Variants in SNX13 observed in about 807,000 individuals in gnomAD.
SNX13 encodes sorting nexin-13.
In SNX13, 45 loss-of-function variants were observed where a neutral mutation model predicts 133.6. That is an observed-to-expected ratio of 0.34 (90% confidence interval 0.27 to 0.43). The LOEUF is 0.43. Among genes scored for constraint, SNX13 ranks in the 20% least tolerant of loss-of-function variants. The pLI is 1.00. For synonymous variants in SNX13, 414 were observed against 373.9 expected, an observed-to-expected ratio of 1.11 and a Z score of -1.24; for missense variants, 1,032 against 1,145.1, an observed-to-expected ratio of 0.90 and a Z score of 1.43.
At chr7:17,923,505 T>C (rs1800367823) in intron 1 of SNX13, among the ~76,000 whole-genome samples, 1 of 152,126 alleles carries the variant, frequency 6.6e-6, no homozygotes, top group Admixed American at 6.6e-5. Context: ...AAGAATACCA[T>C]GATTTGAGCT....
chr7:17,915,893 C>T lies in SNX13; in HGVS notation c.13-18447G>A, dbSNP rs552741058. 2.0e-5 allele frequency among the ~76,000 whole-genome samples: 3 copies of T among 152,268 alleles called. No homozygotes were observed. The South Asian group carries it at 6.2e-4, about 32-fold the overall frequency. On this transcript the variant is annotated intron_variant, in intron 1 of 25. Coordinates refer to ENST00000428135, the MANE Select transcript of SNX13 (RefSeq NM_015132.5). Reference sequence around the variant, plus strand: ...ACACAGAACATACTCTAAGACTGTCCACATTGCTCTGTCACAAAGCAAGTT... The same window carrying T: ...ACACAGAACATACTCTAAGACTGTCTACATTGCTCTGTCACAAAGCAAGTT...
rs1198387907 is a variant in SNX13 at position 17,792,286 on chromosome 7, C to G, written c.*1759G>C. The G allele has an allele frequency of 6.6e-6, 1 of 151,870 alleles. No homozygotes were observed. Among genetic ancestry groups the G allele is most frequent in the Non-Finnish European group, 1.5e-5 (1 of 67,878 alleles). 9.4% of individuals were successfully genotyped at this position (151,870 alleles called of 1,614,324 possible). The stretch of plus-strand genomic sequence containing the variant: ...AGGGAGGGGCCAAGGCAGGGAGACA[C>G]CCTGAGAAGAAGAAATACTATTTCT... On this transcript the variant is annotated 3_prime_UTR_variant, in exon 26 of 26. Coordinates refer to ENST00000428135, the MANE Select transcript of SNX13 (RefSeq NM_015132.5).
At chr7:17,830,560 T>C in intron 15 of SNX13, 6 of 983,598 alleles carry the variant, frequency 6.1e-6, no homozygotes, top group Non-Finnish European at 7.2e-6. Context: ...ACACTGGAAG[T>C]CCAGATTTTT....
At chr7:17,795,662 C>G (rs774684071) in intron 25 of SNX13, 2 of 151,624 alleles carry the variant, frequency 1.3e-5, no homozygotes, top group African/African-American at 2.4e-5. Flanking sequence ...AAAGTAAGCT[C>G]CAAGAAGGCA....
chr7:17,806,542 AAC>A (rs1426850484), intron 20 of SNX13, among the ~76,000 whole-genome samples: 5 of 152,234 alleles, frequency 3.3e-5, no homozygotes, highest in African/African-American at 1.2e-4. Flanking sequence ...TAAAGAGGTC[AAC>A]ATGACCTTGG....
intron 12 of SNX13, among the ~76,000 whole-genome samples, chr7:17,844,542 C>T (rs1331268855): frequency 5.3e-4 from 80 of 152,062 alleles, no homozygotes; most frequent in Admixed American, 5.2e-3. Context: ...CACTTCCTAA[C>T]TCATTCTATG....
intron 15 of SNX13, among the ~76,000 whole-genome samples, chr7:17,833,421 A>T (rs1194935982): frequency 6.6e-6 from 1 of 151,724 alleles, no homozygotes; most frequent in African/African-American, 2.4e-5. Context: ...GGCTTGAAGA[A>T]TTTAAGCAGT....
intron 15 of SNX13, chr7:17,832,635 C>T (rs1387601828): frequency 1.6e-5 from 4 of 247,728 alleles, no homozygotes; most frequent in Non-Finnish European, 2.6e-5. Flanking sequence ...AGAGTAAGTA[C>T]AGATATATAG....
Position 17,845,616 on chromosome 7 carries a change from C to T in SNX13, c.1144G>A (p.Val382Ile), listed in dbSNP as rs1163954994. Residue 382 changes from valine to isoleucine, a missense_variant, in exon 12 of 26, where the codon GTT becomes ATT. Physicochemically the swap from Val to Ile is conservative, Grantham distance 29. Coordinates refer to ENST00000428135, the MANE Select transcript of SNX13 (RefSeq NM_015132.5). Reference sequence around the variant, plus strand: ...CTACCCATAAAAAATTGTAGTGCAACATTGTCTACAAGAATGCTGTCCAGG... The same window carrying T: ...CTACCCATAAAAAATTGTAGTGCAATATTGTCTACAAGAATGCTGTCCAGG... ...VPLDSILVDN[V>I]ALQFFMDYMQ... 2 of 1,596,430 alleles carry T rather than the reference C, an allele frequency of 1.3e-6. No individual in the cohort carries two copies. Among genetic ancestry groups the T allele is most frequent in the Admixed American group, 1.8e-5 (1 of 56,984 alleles).
In SNX13 at chr7:17,891,627, T is replaced by G. The variant is rs201210069; in HGVS notation, c.237A>C (p.Glu79Asp). ...PTSPGVPKCLEEMKREARTIK... is the reference protein window; with the variant it reads ...PTSPGVPKCLDEMKREARTIK... ...TAGTCCTGGCTTCCCGTTTCATTTC[T>G]TCTAAGCACTTAAAGGAAATCAAAA... Residue 79 changes from glutamate (E) to aspartate (D), a missense_variant, in exon 4 of 26, where the codon GAA (glutamate) becomes GAC (aspartate). By Grantham distance (45) the Glu-to-Asp change is conservative. Coordinates refer to ENST00000428135, the MANE Select transcript of SNX13 (RefSeq NM_015132.5). 117 of 1,610,826 alleles carry G rather than the reference T, an allele frequency of 7.3e-5. No individual in the cohort carries two copies. In the African/African-American group the frequency reaches 1.3e-3, roughly 19 times the overall value.
At chr7:17,891,178 C>T (rs1236977244) in intron 4 of SNX13, among the ~76,000 whole-genome samples, 3 of 151,826 alleles carry the variant, frequency 2.0e-5, no homozygotes, top group African/African-American at 4.8e-5. Flanking sequence ...GTTTTTGCAT[C>T]GGATATTTCT....
chr7:17,891,364 T>G (rs1796607759), intron 4 of SNX13, among the ~76,000 whole-genome samples, 182 bp downstream of exon 4: 1 of 152,058 alleles, frequency 6.6e-6, no homozygotes, highest in Non-Finnish European at 1.5e-5. Context: ...TTACATAAAG[T>G]AAACCACCTC....
Position 17,834,188 on chromosome 7 carries a change from G to C in SNX13, c.1465-4C>G, listed in dbSNP as rs10237285. On this transcript the variant is annotated splice_polypyrimidine_tract_variant and splice_region_variant and intron_variant, in intron 14 of 25. Coordinates refer to ENST00000428135, the MANE Select transcript of SNX13 (RefSeq NM_015132.5). ...CTCGTAGCATCAATTCATATACCTT[G>C]GTGAAATAAATCAAGATATTCAACA... 6 of 1,548,206 alleles carry C rather than the reference G, an allele frequency of 3.9e-6. No homozygotes were observed. Among genetic ancestry groups the C allele is most frequent in the Non-Finnish European group, 5.3e-6 (6 of 1,141,768 alleles).
chr7:17,834,670 A>G (rs1788931162), intron 14 of SNX13, 91 bp downstream of exon 14: 1 of 731,898 alleles, frequency 1.4e-6, no homozygotes, highest in Non-Finnish European at 2.1e-6. Flanking sequence ...ATACCACTCT[A>G]CTTTTAGAAA....
At chr7:17,889,954 G>A (rs1030838880) in intron 5 of SNX13, 1 of 153,692 alleles carries the variant, frequency 6.5e-6, no homozygotes, top group African/African-American at 2.4e-5. Flanking sequence ...TCATAATTAG[G>A]AGAAGGGTTA....
At position 17,884,028 on chromosome 7, in the gene SNX13, C is replaced by A. The variant is rs371897232; in HGVS notation, c.440+6335G>T. On this transcript the variant is annotated intron_variant, in intron 5 of 25. Coordinates refer to ENST00000428135, the MANE Select transcript of SNX13 (RefSeq NM_015132.5). ...GACAGAAATGATGTGGCCTACAAAT[C>A]CTAAAATCGTTGCTGTTTGGCTCTT... Among the ~76,000 whole-genome samples the A allele has an allele frequency of 1.2e-4, 18 of 152,148 alleles. No homozygotes were observed. In the East Asian group the frequency reaches 3.5e-3, roughly 29 times the overall value.
At chr7:17,802,965 T>C (rs991563346) in intron 21 of SNX13, among the ~76,000 whole-genome samples, 1 of 152,154 alleles carries the variant, frequency 6.6e-6, no homozygotes, top group Non-Finnish European at 1.5e-5. Context: ...CAGAGATTGA[T>C]GGTAATGATG....
At chr7:17,829,952 CTCAGCCTTTTACATTA>C in intron 16 of SNX13, 42 bp downstream of exon 16, 1 of 1,250,390 alleles carries the variant, frequency 8.0e-7, no homozygotes, top group Non-Finnish European at 1.1e-6. Flanking sequence ...TATGTTAAGG[CTCAGCCTTTTACATTA>C]TTTTCAAGTC....
At chr7:17,824,191 A>T (rs1201904411) in intron 17 of SNX13, among the ~76,000 whole-genome samples, 1 of 152,138 alleles carries the variant, frequency 6.6e-6, no homozygotes, top group Non-Finnish European at 1.5e-5. Context: ...AAAAAAAAAT[A>T]GCACTAGAAT....
Sources: allele counts gnomAD v4.1 joint callset (sites outside exome capture counted in the v4.1 genomes callset), GRCh38; gene constraint gnomAD v4.1.1; transcripts MANE v1.5; gene names NCBI Gene and HGNC (gene_info 2026-07-23, HGNC 2026-07-21).